The following VPS13B variants were observed in gnomAD, a reference collection of about 807,000 sequenced individuals.
VPS13B encodes intermembrane lipid transfer protein VPS13B.
VPS13B carries 285 observed loss-of-function variants against 426.4 expected under a neutral mutation model. That is an observed-to-expected ratio of 0.67 (90% CI 0.61 to 0.74). VPS13B has a LOEUF of 0.74. VPS13B is among the 30% of genes least tolerant of loss of function. VPS13B has a pLI of 0.00. For missense variants in VPS13B, 4,537 were observed against 4,782.6 expected (o/e 0.95, Z 1.51); for synonymous variants, 1,676 against 1,676.4 (o/e 1.00, Z 0.01).
At chr8:99,280,515 C>A (rs950805930) in intron 19 of VPS13B, among the ~76,000 whole-genome samples, 28 of 152,126 alleles carry the variant, frequency 1.8e-4, no homozygotes, top group African/African-American at 6.8e-4. Flanking sequence ...CATGAGAAAT[C>A]GTTTGTTGAA....
intron 17 of VPS13B, among the ~76,000 whole-genome samples, chr8:99,253,378 T>C (rs1817602591): frequency 6.6e-6 from 1 of 152,168 alleles, no homozygotes; most frequent in South Asian, 2.1e-4. Flanking sequence ...CTGGATCATA[T>C]GGTCACTTTC....
chr8:99,309,356 G>T (rs542838529), intron 19 of VPS13B, among the ~76,000 whole-genome samples: 31 of 152,124 alleles, frequency 2.0e-4, no homozygotes, highest in Non-Finnish European at 4.0e-4. Context: ...ATTAATTTTT[G>T]TATAAGGTGT....
intron 3 of VPS13B, among the ~76,000 whole-genome samples, chr8:99,079,275 G>C (rs902924227): frequency 1.3e-5 from 2 of 152,056 alleles, no homozygotes; most frequent in African/African-American, 4.8e-5. Context: ...TGGTCTTGTT[G>C]TCAGGCCCCC....
rs563261178 is a variant in VPS13B at position 99,121,407 on chromosome 8, A to G, written c.1168A>G (p.Ile390Val). ...AQTLKDPIVS[I>V]GFYCTKATVT... ...GACTTTGAAGGATCCTATTGTTTCT[A>G]TAGGATTTTATTGCACAAAGGCAAC... Residue 390 changes from isoleucine to valine, a missense_variant, in exon 8 of 62, where the codon ATA becomes GTA. Physicochemically the swap from Ile to Val is conservative, Grantham distance 29 (BLOSUM62 3). Coordinates refer to ENST00000357162, the MANE Select transcript of VPS13B (RefSeq NM_152564.5). 10 of 1,614,202 alleles carry G rather than the reference A, an allele frequency of 6.2e-6. No individual in the cohort carries two copies. In the Admixed American group the frequency reaches 6.7e-5, roughly 11 times the overall value.
At chr8:99,037,791 G>GT (rs1328761093) in intron 2 of VPS13B, among the ~76,000 whole-genome samples, 1 of 150,246 alleles carries the variant, frequency 6.7e-6, no homozygotes, top group Non-Finnish European at 1.5e-5. Flanking sequence ...TAAAATTTAT[G>GT]ACCAAGTAGT....
intron 35 of VPS13B, among the ~76,000 whole-genome samples, chr8:99,687,983 A>G (rs928309039): frequency 4.6e-5 from 7 of 152,048 alleles, no homozygotes; most frequent in Admixed American, 2.0e-4. Flanking sequence ...CAGTATCCCA[A>G]TGATTAAACT....
chr8:99,465,548 T>C (rs945618675), intron 23 of VPS13B, among the ~76,000 whole-genome samples: 2 of 151,986 alleles, frequency 1.3e-5, no homozygotes, highest in Non-Finnish European at 1.5e-5. Context: ...TTTAATCTGG[T>C]CCCCTTCCAT....
intron 24 of VPS13B, among the ~76,000 whole-genome samples, chr8:99,474,436 C>G (rs537629177): frequency 1.3e-5 from 2 of 151,996 alleles, no homozygotes; most frequent in Non-Finnish European, 2.9e-5. Flanking sequence ...ATCCACCTGC[C>G]TCGGCCTCCC....
chr8:99,574,491 T>C (rs1825664833), intron 31 of VPS13B, among the ~76,000 whole-genome samples: 1 of 152,206 alleles, frequency 6.6e-6, no homozygotes, highest in Non-Finnish European at 1.5e-5. Flanking sequence ...ACCTAATTTA[T>C]TGAGAGTTTT....
At chr8:99,151,732 C>T (rs1811090543) in intron 14 of VPS13B, among the ~76,000 whole-genome samples, 1 of 152,070 alleles carries the variant, frequency 6.6e-6, no homozygotes, top group Non-Finnish European at 1.5e-5. Flanking sequence ...GGGGTTTCTC[C>T]ATGTCAGTCA....
chr8:99,724,346 C>T (rs1801316778), intron 39 of VPS13B, among the ~76,000 whole-genome samples: 1 of 152,064 alleles, frequency 6.6e-6, no homozygotes. Context: ...GAATCATTCT[C>T]CTACCATATG....
At chr8:99,759,436 C>T (rs965121423) in intron 39 of VPS13B, among the ~76,000 whole-genome samples, 10 of 152,182 alleles carry the variant, frequency 6.6e-5, no homozygotes, top group African/African-American at 2.2e-4. Context: ...AACCAGTTTG[C>T]ATTCTTAGTT....
intron 54 of VPS13B, among the ~76,000 whole-genome samples, chr8:99,837,904 A>G (rs1217230823): frequency 6.6e-6 from 1 of 152,200 alleles, no homozygotes; most frequent in Non-Finnish European, 1.5e-5. Flanking sequence ...AGCAAAATCA[A>G]AACACCATAA....
At chr8:99,246,115 T>C (rs1226896294) in intron 17 of VPS13B, among the ~76,000 whole-genome samples, 1 of 152,248 alleles carries the variant, frequency 6.6e-6, no homozygotes, top group African/African-American at 2.4e-5. Flanking sequence ...CTCCATTCTT[T>C]GGCCAAAAAT....
chr8:99,813,893 G>A (rs1813868721), intron 44 of VPS13B, among the ~76,000 whole-genome samples: 1 of 152,178 alleles, frequency 6.6e-6, no homozygotes, highest in African/African-American at 2.4e-5. Flanking sequence ...CAGCACTTTG[G>A]GAGGCTGAGG....
chr8:99,375,765 C>T (rs542529063), intron 19 of VPS13B, among the ~76,000 whole-genome samples: 1 of 152,228 alleles, frequency 6.6e-6, no homozygotes, highest in South Asian at 2.1e-4. Flanking sequence ...AGGAGCTATA[C>T]AAATCTACAA....
intron 17 of VPS13B, among the ~76,000 whole-genome samples, chr8:99,195,752 AAGATT>A (rs1813882873): frequency 6.6e-6 from 1 of 152,192 alleles, no homozygotes; most frequent in Admixed American, 6.5e-5. Context: ...GTGTTAGATA[AAGATT>A]CAATCTCATT....
intron 34 of VPS13B, among the ~76,000 whole-genome samples, chr8:99,644,347 T>A (rs1829492220): frequency 6.6e-6 from 1 of 152,212 alleles, no homozygotes; most frequent in Non-Finnish European, 1.5e-5. Context: ...TTTATTGATA[T>A]ACTCCCAAAT....
At position 99,696,393 on chromosome 8, in the gene VPS13B, C is replaced by T. The variant is rs531451865; in HGVS notation, c.6047-3132C>T. The T allele has an allele frequency of 4.0e-4, 130 of 322,854 alleles. 2 individuals carry two copies. The highest frequency in any genetic ancestry group is 3.0e-3 in the South Asian group (103 of 34,120). The allele number at this position is 322,854 out of a possible 1,614,324, so 20.0% of individuals were successfully genotyped here. A position where few individuals can be genotyped will look rare whatever the true frequency, so the allele number is the denominator to read the frequency against. On this transcript the variant is annotated intron_variant, in intron 35 of 61. Coordinates refer to ENST00000357162, the MANE Select transcript of VPS13B (RefSeq NM_152564.5). ...GCCTGCTGTGGATCCATGCCAAGAT[C>T]GTGGTGCTCATGCTGTGGCACATCC...
Sources: allele counts gnomAD v4.1 joint callset (sites outside exome capture counted in the v4.1 genomes callset), GRCh38; gene constraint gnomAD v4.1.1; transcripts MANE v1.5; gene names NCBI Gene and HGNC (gene_info 2026-07-23, HGNC 2026-07-21).